The following INTS9 variants were observed in gnomAD, a reference collection of about 807,000 sequenced individuals.
INTS9 encodes integrator complex subunit 9.
Under a neutral mutation model 79.7 loss-of-function variants are expected in INTS9, and 55 were observed. The observed-to-expected ratio is 0.69, with a 90% CI of 0.56 to 0.86. The LOEUF (loss-of-function observed/expected upper bound fraction) is 0.86, where lower values mean the gene tolerates loss of function less well. Among genes scored for constraint, INTS9 ranks in the 40% least tolerant of loss-of-function variants. The pLI is 0.00. For missense variants in INTS9, 721 were observed against 831.5 expected (o/e 0.87, Z 1.64); for synonymous variants, 319 against 325.2 (o/e 0.98, Z 0.20).
chr8:28,841,737 C>T (rs1807197571), intron 4 of INTS9, among the ~76,000 whole-genome samples: 1 of 152,024 alleles, frequency 6.6e-6, no homozygotes, highest in Non-Finnish European at 1.5e-5. Flanking sequence ...TGCATATATA[C>T]TATATATGGT....
chr8:28,888,226 AAC>A (rs1238720253), intron 1 of INTS9, among the ~76,000 whole-genome samples: 1 of 152,146 alleles, frequency 6.6e-6, no homozygotes, highest in Non-Finnish European at 1.5e-5. Flanking sequence ...CAAAACCCTG[AAC>A]ACGCCTCTAT....
At chr8:28,779,617 ACG>A (rs1803120974) in intron 12 of INTS9, among the ~76,000 whole-genome samples, 1 of 152,154 alleles carries the variant, frequency 6.6e-6, no homozygotes, top group Non-Finnish European at 1.5e-5. Flanking sequence ...CTGCATCCTG[ACG>A]CCACCCAATA....
At chr8:28,830,921 T>G (rs1424385938) in intron 6 of INTS9, among the ~76,000 whole-genome samples, 1 of 152,182 alleles carries the variant, frequency 6.6e-6, no homozygotes, top group Non-Finnish European at 1.5e-5. Context: ...CAGTTTCTGA[T>G]TTTTGCCCAC....
chr8:28,789,727 A>C (rs1228844598), intron 10 of INTS9, among the ~76,000 whole-genome samples: 1 of 152,106 alleles, frequency 6.6e-6, no homozygotes, highest in Non-Finnish European at 1.5e-5. Flanking sequence ...GTCTGTACAA[A>C]AATTAGCTGG....
At chr8:28,776,674 G>C (rs1406343041) in intron 13 of INTS9, among the ~76,000 whole-genome samples, 1 of 151,992 alleles carries the variant, frequency 6.6e-6, no homozygotes, top group African/African-American at 2.4e-5. Flanking sequence ...TTGTTCCTTA[G>C]GGCTAATACT....
chr8:28,778,368 A>G (rs1803022172), intron 12 of INTS9, among the ~76,000 whole-genome samples: 1 of 152,268 alleles, frequency 6.6e-6, no homozygotes, highest in African/African-American at 2.4e-5. Flanking sequence ...GAATATGTAT[A>G]TAGTTTCAAA....
At chr8:28,842,862 A>G (rs971454749) in intron 4 of INTS9, among the ~76,000 whole-genome samples, 1 of 152,226 alleles carries the variant, frequency 6.6e-6, no homozygotes. Context: ...ATGATGTTCT[A>G]TTGGGGTCCC....
At chr8:28,792,907 C>T (rs184584200) in intron 10 of INTS9, among the ~76,000 whole-genome samples, 200 of 106,356 alleles carry the variant, frequency 1.9e-3, no homozygotes, top group African/African-American at 5.9e-3. Context: ...AGCAAGACTC[C>T]GTCTCAAAAA....
intron 2 of INTS9, among the ~76,000 whole-genome samples, chr8:28,853,225 C>G (rs181672623): frequency 2.0e-4 from 31 of 151,974 alleles, no homozygotes; most frequent in Non-Finnish European, 4.3e-4. Context: ...ACCAGCCTGG[C>G]CAACATGGTG....
chr8:28,821,665 T>C (rs1007615076), intron 6 of INTS9, among the ~76,000 whole-genome samples: 2 of 152,188 alleles, frequency 1.3e-5, no homozygotes, highest in African/African-American at 4.8e-5. Context: ...CTGGGAATGT[T>C]CTCTTCCTTG....
At chr8:28,844,923 C>A (rs987780501) in intron 4 of INTS9, among the ~76,000 whole-genome samples, 1 of 152,074 alleles carries the variant, frequency 6.6e-6, no homozygotes, top group Admixed American at 6.5e-5. Context: ...ACATGCCTAA[C>A]GTTTTCTTAA....
chr8:28,829,159 TA>T (rs536449686), intron 6 of INTS9, among the ~76,000 whole-genome samples: 9 of 152,328 alleles, frequency 5.9e-5, no homozygotes, highest in Non-Finnish European at 1.2e-4. Context: ...TCTAACCTTA[TA>T]AAAAATATTA....
At chr8:28,796,127 T>C (rs184077375) in intron 9 of INTS9, among the ~76,000 whole-genome samples, 1,547 of 152,276 alleles carry the variant, frequency 0.01, 14 homozygotes, top group Non-Finnish European at 0.015. Flanking sequence ...CTGGCCAACA[T>C]GGTGAAACCA....
intron 6 of INTS9, 85 bp from the exon 7 acceptor site, chr8:28,813,697 TC>T: frequency 7.0e-7 from 1 of 1,424,320 alleles, no homozygotes; most frequent in Non-Finnish European, 9.7e-7. Flanking sequence ...GTCCATTTGA[TC>T]CAAATGGTTT....
chr8:28,834,934 C>T (rs892197658), intron 6 of INTS9, among the ~76,000 whole-genome samples: 2 of 152,302 alleles, frequency 1.3e-5, no homozygotes, highest in Non-Finnish European at 2.9e-5. Flanking sequence ...ATCTCGGCCT[C>T]CCAAAGTGCT....
intron 8 of INTS9, among the ~76,000 whole-genome samples, chr8:28,807,114 T>C (rs1374367547): frequency 1.3e-5 from 2 of 152,132 alleles, no homozygotes; most frequent in Non-Finnish European, 2.9e-5. Flanking sequence ...AAATTTAGAA[T>C]GAAAACAGAC....
At chr8:28,812,843 C>T (rs1805231847) in intron 7 of INTS9, among the ~76,000 whole-genome samples, 1 of 152,158 alleles carries the variant, frequency 6.6e-6, no homozygotes, top group Admixed American at 6.5e-5. Flanking sequence ...AAAGTGGGAC[C>T]TTGTCTCAGT....
intron 6 of INTS9, 84 bp downstream of exon 6, chr8:28,835,208 G>A (rs1287462338): frequency 1.2e-6 from 1 of 821,832 alleles, no homozygotes; most frequent in Non-Finnish European, 2.0e-6. Context: ...CATTGTTTAA[G>A]CATAGAGGAA....
chr8:28,796,468 G>T, intron 9 of INTS9, 76 bp downstream of exon 9: 1 of 838,574 alleles, frequency 1.2e-6, no homozygotes, highest in South Asian at 1.6e-5. Context: ...CCCCATTATT[G>T]TAAAATATTA....
Sources: gnomAD v4.1 joint callset for allele counts (sites outside exome capture counted in the v4.1 genomes callset) on GRCh38, gnomAD v4.1.1 for gene constraint, MANE v1.5 for transcripts, NCBI Gene and HGNC (gene_info 2026-07-23, HGNC 2026-07-21) for gene names.